Variants in GLIS2 observed in about 807,000 individuals in gnomAD.
GLIS2 encodes the protein zinc finger protein GLIS2.
GLIS2 carries 14 observed loss-of-function variants against 35.6 expected under a neutral mutation model. The ratio of observed to expected loss-of-function variants is 0.39; its 90% confidence interval spans 0.26 to 0.61. The LOEUF is 0.61. GLIS2 is among the 20% of genes least tolerant of loss of function. The pLI, the probability that GLIS2 is intolerant of heterozygous loss-of-function variation, is 0.48. For synonymous variants in GLIS2, 368 were observed against 325.1 expected (o/e 1.13, Z -1.42); for missense variants, 675 against 713.4 (o/e 0.95, Z 0.61).
Position 4,337,288 on chromosome 16 carries a change from G to A in GLIS2, c.1339G>A (p.Gly447Arg). 4 of 1,553,674 alleles carry A rather than the reference G, an allele frequency of 2.6e-6. No individual in the cohort carries two copies. The highest frequency in any genetic ancestry group is 2.6e-6 in the Non-Finnish European group (3 of 1,150,276). The change falls in exon 7 of 7, where the codon GGG becomes AGG. Residue 447 changes from glycine to arginine, a missense_variant. Physicochemically the swap from Gly to Arg is moderately radical, Grantham distance 125. Coordinates refer to ENST00000433375, the MANE Select transcript of GLIS2 (RefSeq NM_032575.3). ...TGGTGGCAAGGCCGAGGGGGAGAAG[G>A]GGCGTGGGTCGGTGCCCACCAGGGC... ...AAGGKAEGEKGRGSVPTRALG... is the reference protein window; with the variant it reads ...AAGGKAEGEKRRGSVPTRALG...
intron 1 of GLIS2, among the ~76,000 whole-genome samples, chr16:4,319,886 A>G (rs909807538): frequency 2.6e-5 from 4 of 152,120 alleles, no homozygotes; most frequent in Non-Finnish European, 4.4e-5. Context: ...CCACTCCCCC[A>G]GATGGGCTGG....
At chr16:4,318,954 G>A (rs1446028067) in intron 1 of GLIS2, among the ~76,000 whole-genome samples, 2 of 152,228 alleles carry the variant, frequency 1.3e-5, no homozygotes, top group Non-Finnish European at 2.9e-5. Flanking sequence ...TGTGACTGGG[G>A]GACCAGATGT....
At chr16:4,318,153 A>G (rs1238535463) in intron 1 of GLIS2, among the ~76,000 whole-genome samples, 1 of 152,084 alleles carries the variant, frequency 6.6e-6, no homozygotes, top group Non-Finnish European at 1.5e-5. Flanking sequence ...GCTTCTGGGG[A>G]TTGGCTGGAG....
Position 4,332,123 on chromosome 16 carries a change from C to CCCTGCTCCTGCT in GLIS2, c.-66-87_-66-76dup, listed in dbSNP as rs1445318852. The CCCTGCTCCTGCT allele has an allele frequency of 1.8e-5, 17 of 951,466 alleles. No homozygotes were observed. The highest frequency in any genetic ancestry group is 2.6e-5 in the Non-Finnish European group (16 of 616,406). 58.9% of individuals were successfully genotyped at this position (951,466 alleles called of 1,614,324 possible). A position where few individuals can be genotyped will look rare whatever the true frequency, so the allele number is the denominator to read the frequency against. On this transcript the variant is annotated intron_variant, in intron 1 of 6. Coordinates refer to ENST00000433375, the MANE Select transcript of GLIS2 (RefSeq NM_032575.3). The surrounding 1 kb of genome is among the most constrained non-coding windows in gnomAD (Gnocchi z 5.4). ...ACCCAGGAGACAACCTCACACTGCC[C>CCCTGCTCCTGCT]CCTGCTCCTGCTCCTGTTAGACTGT...
chr16:4,319,236 G>C (rs1169534844), intron 1 of GLIS2, among the ~76,000 whole-genome samples: 1 of 152,176 alleles, frequency 6.6e-6, no homozygotes. Context: ...GCAGGTGACT[G>C]AGACCACAGG....
At position 4,337,764 on chromosome 16, in the gene GLIS2, GT is replaced by G; in HGVS notation, c.*241del. The G allele has an allele frequency of 1.6e-6, 1 of 614,198 alleles. No homozygotes were observed. The highest frequency in any genetic ancestry group is 2.9e-6 in the Non-Finnish European group (1 of 343,482). 38.0% of individuals were successfully genotyped at this position (614,198 alleles called of 1,614,324 possible). ...GGGTGCTGAAGCCTCGCTCCTGTCT[GT>G]CCCCCACCACCTGGCCCTCAGCTTC... On this transcript the variant is annotated 3_prime_UTR_variant, in exon 7 of 7. Transcript: ENST00000433375.
chr16:4,317,369 G>A (rs1218792816), intron 1 of GLIS2, among the ~76,000 whole-genome samples: 2 of 152,174 alleles, frequency 1.3e-5, no homozygotes, highest in Non-Finnish European at 2.9e-5. Flanking sequence ...ACCCTGGGTA[G>A]TAGGCCGCCA....
chr16:4,323,854 T>C (rs2053403208), intron 1 of GLIS2, among the ~76,000 whole-genome samples: 1 of 152,178 alleles, frequency 6.6e-6, no homozygotes, highest in Non-Finnish European at 1.5e-5. Flanking sequence ...GGCCCTCCCT[T>C]GCAAGATGCC....
At chr16:4,322,262 C>G (rs1249270730) in intron 1 of GLIS2, among the ~76,000 whole-genome samples, 1 of 151,946 alleles carries the variant, frequency 6.6e-6, no homozygotes, top group Non-Finnish European at 1.5e-5. Flanking sequence ...CCCCAGTGCC[C>G]TCTAGGTTCT....
Position 4,335,284 on chromosome 16 carries a change from G to A in GLIS2, c.666G>A (p.Met222Ile), listed in dbSNP as rs1311065526. 3 of 1,613,692 alleles carry A rather than the reference G, an allele frequency of 1.9e-6. No individual in the cohort carries two copies. Among genetic ancestry groups the A allele is most frequent in the South Asian group, 1.1e-5 (1 of 91,080 alleles). ...HGRGFNARYK[M>I]LIHIRTHTNE... The stretch of plus-strand genomic sequence containing the variant: ...GCCCTCCCTGGAGCAGGTACAAGAT[G>A]CTCATCCACATCCGCACACACACCA... Residue 222 changes from methionine to isoleucine, a missense_variant, in exon 6 of 7, where the codon ATG becomes ATA. Transcript: ENST00000433375. This position sits in a 1 kb window ranked among gnomAD's most constrained non-coding sequence, Gnocchi z 4.6.
chr16:4,323,420 C>A (rs2053397886), intron 1 of GLIS2, among the ~76,000 whole-genome samples: 1 of 152,164 alleles, frequency 6.6e-6, no homozygotes, highest in East Asian at 1.9e-4. Flanking sequence ...CAGGAAAATA[C>A]CAGACATAGT....
At chr16:4,319,068 C>G (rs936508626) in intron 1 of GLIS2, among the ~76,000 whole-genome samples, 2 of 152,092 alleles carry the variant, frequency 1.3e-5, no homozygotes, top group Non-Finnish European at 2.9e-5. Context: ...GTTCCTGCCT[C>G]TAAGGGGAGG....
At chr16:4,325,020 G>C (rs1444572321) in intron 1 of GLIS2, among the ~76,000 whole-genome samples, 1 of 152,196 alleles carries the variant, frequency 6.6e-6, no homozygotes. Context: ...GGAGCTCTTG[G>C]CCAGAGCAGG....
intron 1 of GLIS2, among the ~76,000 whole-genome samples, chr16:4,319,562 C>T (rs888616170): frequency 2.0e-5 from 3 of 152,190 alleles, no homozygotes; most frequent in Admixed American, 6.5e-5. Flanking sequence ...ACAGCCCTAG[C>T]GAGTCTCCCG....
At chr16:4,318,179 G>C (rs2053336158) in intron 1 of GLIS2, among the ~76,000 whole-genome samples, 3 of 152,192 alleles carry the variant, frequency 2.0e-5, no homozygotes, top group Admixed American at 2.0e-4. Context: ...TCACAGCTTG[G>C]AGGGTGACCG....
At chr16:4,328,458 C>T (rs1339102678) in intron 1 of GLIS2, 1 of 152,558 alleles carries the variant, frequency 6.6e-6, no homozygotes, top group Non-Finnish European at 1.5e-5. Flanking sequence ...AGAACTGAAG[C>T]AGGGTCACTG....
At chr16:4,326,438 A>C (rs920768401) in intron 1 of GLIS2, 1 of 152,152 alleles carries the variant, frequency 6.6e-6, no homozygotes, top group African/African-American at 2.4e-5. Context: ...ACCTGACCCC[A>C]TGCTGCTGGG....
upstream of GLIS2, among the ~76,000 whole-genome samples, chr16:4,316,015 G>T (rs1421187596): frequency 6.5e-5 from 1 of 15,464 alleles, no homozygotes; most frequent in African/African-American, 2.8e-4. Flanking sequence ...CCCTCCTCCC[G>T]CCCGCCCGCC....
chr16:4,335,400 G>C lies in GLIS2; in HGVS notation c.775+7G>C. The C allele has an allele frequency of 3.7e-6, 6 of 1,613,188 alleles. No homozygotes were observed. The highest frequency in any genetic ancestry group is 5.1e-6 in the Non-Finnish European group (6 of 1,179,886). On this transcript the variant is annotated splice_region_variant and intron_variant, in intron 6 of 6. Transcript: ENST00000433375. The surrounding 1 kb of genome is among the most constrained non-coding windows in gnomAD (Gnocchi z 4.6). The stretch of plus-strand genomic sequence containing the variant: ...CACAACCGGTCGCACACAGGTAAGA[G>C]GCCGGGGCCGGGCGGCTTGGCCCAT...
Sources: allele counts gnomAD v4.1 joint callset (sites outside exome capture counted in the v4.1 genomes callset), GRCh38; gene constraint gnomAD v4.1.1; non-coding constraint Gnocchi (gnomAD v3.1); transcripts MANE v1.5; gene names NCBI Gene and HGNC (gene_info 2026-07-23, HGNC 2026-07-21).